Variants in GNAZ observed in about 807,000 individuals in gnomAD.
GNAZ encodes the protein guanine nucleotide-binding protein G(z) subunit alpha.
In GNAZ, 3 loss-of-function variants were observed where a neutral mutation model predicts 25.4. The ratio of observed to expected loss-of-function variants is 0.12; its 90% CI spans 0.05 to 0.30. The LOEUF is 0.30. GNAZ is among the 10% of genes least tolerant of loss of function. GNAZ has a pLI of 1.00. For missense variants in GNAZ, 241 were observed against 501.8 expected, an observed-to-expected ratio of 0.48 and a Z score of 4.97; for synonymous variants, 211 against 205.7, an observed-to-expected ratio of 1.03 and a Z score of -0.22.
chr22:23,101,653 T>C (rs2069306079), intron 2 of GNAZ, among the ~76,000 whole-genome samples: 1 of 152,246 alleles, frequency 6.6e-6, no homozygotes, highest in South Asian at 2.1e-4. Context: ...AAGCAGTTCC[T>C]TCTGATCTTG....
At chr22:23,072,427 C>T (rs577530946) in intron 1 of GNAZ, among the ~76,000 whole-genome samples, 10 of 152,274 alleles carry the variant, frequency 6.6e-5, no homozygotes, top group Admixed American at 3.9e-4. Flanking sequence ...CTCTAACTGA[C>T]GTTGATTTTC....
At chr22:23,081,352 T>C (rs972420029) in intron 1 of GNAZ, among the ~76,000 whole-genome samples, 2 of 152,202 alleles carry the variant, frequency 1.3e-5, no homozygotes, top group Non-Finnish European at 2.9e-5. Flanking sequence ...TTGACAGATA[T>C]ATGAATGTAT....
rs151123258 is a variant in GNAZ at position 23,096,001 on chromosome 22, C to T, written c.306C>T (p.Tyr102=). 42 of 1,608,838 alleles carry T rather than the reference C, an allele frequency of 2.6e-5. No individual in the cohort carries two copies. The highest frequency in any genetic ancestry group is 1.5e-4 in the Admixed American group (9 of 60,016). Residue 102 remains tyrosine (Y), a synonymous_variant, in exon 2 of 3, where the codon TAC becomes TAT. Transcript: ENST00000615612. ...ACTTCCACAACCCCGACCGCGCCTA[C>T]GACGCTGTGCAGCTCTTTGCGCTGA... ...RIDFHNPDRA[Y]DAVQLFALTG...
At chr22:23,095,005 A>C (rs1302372142) in intron 1 of GNAZ, among the ~76,000 whole-genome samples, 1 of 152,024 alleles carries the variant, frequency 6.6e-6, no homozygotes, top group Non-Finnish European at 1.5e-5. Context: ...CCTCGCACAC[A>C]CCCTCCTCTC....
rs2069099543 is a variant in GNAZ at position 23,095,532 on chromosome 22, G to A, written c.-164G>A. The A allele has an allele frequency of 6.9e-6, 5 of 722,354 alleles. No homozygotes were observed. Among genetic ancestry groups the A allele is most frequent in the Non-Finnish European group, 1.1e-5 (5 of 445,338 alleles). The allele number at this position is 722,354 out of a possible 1,614,324, so 44.7% of individuals were successfully genotyped here. ...GAGCGCCATGCCGGCTGGAGAAGAG[G>A]CGCTGGGGCAGGGGCTGCAGTGTGG... is the stretch of plus-strand genomic sequence containing the variant. On this transcript the variant is annotated 5_prime_UTR_variant, in exon 2 of 3. Coordinates refer to ENST00000615612, the MANE Select transcript of GNAZ (RefSeq NM_002073.4).
intron 2 of GNAZ, among the ~76,000 whole-genome samples, chr22:23,113,156 C>T (rs2069703955): frequency 1.3e-5 from 2 of 152,224 alleles, no homozygotes; most frequent in African/African-American, 4.8e-5. Flanking sequence ...CCTGCTGTGG[C>T]TGCAACTCCC....
intron 2 of GNAZ, among the ~76,000 whole-genome samples, chr22:23,102,472 C>G (rs985351306): frequency 7.9e-5 from 12 of 152,260 alleles, no homozygotes; most frequent in Admixed American, 6.5e-4. Flanking sequence ...ACACTGGGAG[C>G]TTCCAAGGGT....
rs143772372 is a variant in GNAZ at position 23,101,146 on chromosome 22, C to T, written c.723+4728C>T. On this transcript the variant is annotated intron_variant, in intron 2 of 2. Coordinates refer to ENST00000615612, the MANE Select transcript of GNAZ (RefSeq NM_002073.4). ...ATACCCTCTCCCCAGCATACCAGGG[C>T]TTAGATTGAGAAGGGACCTTATATA... Among the ~76,000 whole-genome samples, 166 of 152,300 alleles carry T rather than the reference C, an allele frequency of 1.1e-3. 1 individual carries two copies. The highest frequency in any genetic ancestry group is 3.8e-3 in the African/African-American group (158 of 41,552).
At chr22:23,097,069 A>T (rs967258048) in intron 2 of GNAZ, among the ~76,000 whole-genome samples, 1 of 152,180 alleles carries the variant, frequency 6.6e-6, no homozygotes, top group Non-Finnish European at 1.5e-5. Flanking sequence ...CAGGAGTGGC[A>T]GCGGTGGAGG....
Position 23,123,447 on chromosome 22 carries a change from G to A in GNAZ, c.*16G>A, listed in dbSNP as rs1458695767. 6.4e-7 allele frequency: 1 copy of A among 1,551,456 alleles called. No homozygotes were observed. Among genetic ancestry groups the A allele is most frequent in the Non-Finnish European group, 8.8e-7 (1 of 1,130,720 alleles). On this transcript the variant is annotated 3_prime_UTR_variant, in exon 3 of 3. Transcript: ENST00000615612. ...CCTTTGCTGAGGAGCTGGGCCCGGG[G>A]CCCGCCTGCCTATGGTGAAACCCAC... is the stretch of plus-strand genomic sequence containing the variant.
intron 1 of GNAZ, among the ~76,000 whole-genome samples, chr22:23,080,550 G>A (rs1443448054): frequency 6.6e-6 from 1 of 152,216 alleles, no homozygotes; most frequent in Admixed American, 6.5e-5. Context: ...AAGAAAGGAG[G>A]ACCTGTTTCT....
intron 2 of GNAZ, among the ~76,000 whole-genome samples, chr22:23,117,006 C>T (rs534958546): frequency 1.3e-5 from 2 of 152,300 alleles, no homozygotes; most frequent in Admixed American, 6.5e-5. Flanking sequence ...AATATGCGCG[C>T]ACCTGCTGGG....
chr22:23,072,294 C>T (rs990110471), intron 1 of GNAZ, among the ~76,000 whole-genome samples: 5 of 152,056 alleles, frequency 3.3e-5, no homozygotes, highest in African/African-American at 7.2e-5. Flanking sequence ...CATCCATCTA[C>T]GGGGTGCAGT....
rs370693635 is a variant in GNAZ at position 23,080,115 on chromosome 22, ACTT to A, written c.-450+9551_-450+9553del. On this transcript the variant is annotated intron_variant, in intron 1 of 2. Coordinates refer to ENST00000615612, the MANE Select transcript of GNAZ (RefSeq NM_002073.4). ...TGATTTGGCTCTTAATGAAGGCCCC[ACTT>A]CTTCTCTGCTGTCATGGCCACCCTC... Among the ~76,000 whole-genome samples the A allele has an allele frequency of 3.1e-3, 467 of 152,260 alleles. 3 individuals carry two copies. Among genetic ancestry groups the A allele is most frequent in the African/African-American group, 0.011 (441 of 41,544 alleles).
intron 2 of GNAZ, among the ~76,000 whole-genome samples, chr22:23,103,289 A>G (rs917005643): frequency 2.6e-5 from 4 of 152,282 alleles, no homozygotes; most frequent in Admixed American, 6.5e-5. Flanking sequence ...ACTCCTCCCC[A>G]GCCCCCGCCT....
At chr22:23,109,093 G>A (rs1419323030) in intron 2 of GNAZ, among the ~76,000 whole-genome samples, 2 of 152,182 alleles carry the variant, frequency 1.3e-5, no homozygotes, top group African/African-American at 2.4e-5. Context: ...GTGCCTGGGT[G>A]GGAGATAGCT....
intron 2 of GNAZ, among the ~76,000 whole-genome samples, chr22:23,106,851 T>C (rs2069495891): frequency 6.6e-6 from 1 of 152,138 alleles, no homozygotes; most frequent in Non-Finnish European, 1.5e-5. Flanking sequence ...GACCTGGACA[T>C]CCCGCTGCTG....
At chr22:23,110,586 G>C (rs946543247) in intron 2 of GNAZ, among the ~76,000 whole-genome samples, 2 of 152,242 alleles carry the variant, frequency 1.3e-5, no homozygotes, top group Non-Finnish European at 2.9e-5. Context: ...TGAGCAGATG[G>C]GCAGTAGACA....
At chr22:23,073,972 G>A (rs916397109) in intron 1 of GNAZ, among the ~76,000 whole-genome samples, 5 of 152,134 alleles carry the variant, frequency 3.3e-5, no homozygotes, top group Admixed American at 6.5e-5. Flanking sequence ...AGTGCTGGGT[G>A]AGTGGTGTGG....
Sources: allele counts gnomAD v4.1 joint callset (sites outside exome capture counted in the v4.1 genomes callset), GRCh38; gene constraint gnomAD v4.1.1; transcripts MANE v1.5; gene names NCBI Gene and HGNC (gene_info 2026-07-23, HGNC 2026-07-21).